Variants in DNAAF6 observed in about 807,000 individuals in gnomAD.
DNAAF6 encodes PIH1 domain containing 3.
DNAAF6 carries 3 observed loss-of-function variants against 13.7 expected under a neutral mutation model. The observed-to-expected ratio is 0.22, with a 90% CI of 0.10 to 0.56. DNAAF6 has a LOEUF of 0.56. Among genes scored for constraint, DNAAF6 ranks in the 20% least tolerant of loss-of-function variants. The pLI is 0.92. For missense variants in DNAAF6, 130 were observed against 151.0 expected, an observed-to-expected ratio of 0.86 and a Z score of 0.73; for synonymous variants, 54 against 49.2, an observed-to-expected ratio of 1.10 and a Z score of -0.41.
intron 5 of DNAAF6, among the ~76,000 whole-genome samples, chrX:107,237,351 A>T (rs1360217728): frequency 8.9e-6 from 1 of 112,258 alleles, no homozygotes; most frequent in African/African-American, 3.2e-5. Context: ...AGAAAGCTTC[A>T]TAATTTACCT....
intron 6 of DNAAF6, among the ~76,000 whole-genome samples, chrX:107,240,090 C>A (rs954510530): frequency 8.9e-6 from 1 of 112,001 alleles, no homozygotes; most frequent in Non-Finnish European, 1.9e-5. Flanking sequence ...TGATGGATAT[C>A]TGTAATGACG....
intron 3 of DNAAF6, 127 bp from the exon 4 acceptor site, chrX:107,218,737 A>C (rs1928053449): frequency 1.6e-6 from 1 of 631,315 alleles, no homozygotes. Context: ...TTTGATCAAA[A>C]AAAAAAGCTA....
chrX:107,231,839 T>C (rs1569375625), intron 5 of DNAAF6, among the ~76,000 whole-genome samples: 3 of 111,707 alleles, frequency 2.7e-5, no homozygotes, highest in African/African-American at 9.8e-5. Context: ...TCTTTTTAAA[T>C]TGATAGATAA....
At chrX:107,217,323 T>G (rs1928017401) in intron 3 of DNAAF6, among the ~76,000 whole-genome samples, 1 of 111,717 alleles carries the variant, frequency 9.0e-6, no homozygotes, top group Non-Finnish European at 1.9e-5. Flanking sequence ...CCTTCCTATA[T>G]TCTAGCAATT....
intron 1 of DNAAF6, among the ~76,000 whole-genome samples, chrX:107,211,328 GATTT>G (rs1350756009): frequency 4.5e-5 from 5 of 111,627 alleles, no homozygotes; most frequent in South Asian, 3.8e-4. Context: ...TGTCATGATT[GATTT>G]ATTTATTTTT....
intron 5 of DNAAF6, among the ~76,000 whole-genome samples, chrX:107,225,287 A>G (rs1293972097): frequency 9.0e-6 from 1 of 111,121 alleles, no homozygotes; most frequent in Non-Finnish European, 1.9e-5. Flanking sequence ...TAGGTTGTTG[A>G]GCCCATCTCA....
Position 107,238,080 on chromosome X carries a change from C to T in DNAAF6, c.430-842C>T, listed in dbSNP as rs1928558502. Among the ~76,000 whole-genome samples, 3 of 112,435 alleles carry T rather than the reference C, an allele frequency of 2.7e-5. No individual in the cohort carries two copies. In the Admixed American group the frequency reaches 2.8e-4, roughly 11 times the overall value. ...GACATTTTGTCCCTGGTTTCTTTCACTTAGCATAATGTTTTCAGGATTCAT... is the reference window on the plus strand; with the variant it reads ...GACATTTTGTCCCTGGTTTCTTTCATTTAGCATAATGTTTTCAGGATTCAT... On this transcript the variant is annotated intron_variant, in intron 5 of 6. Transcript: ENST00000372453.
chrX:107,227,707 A>G (rs1356351233), intron 5 of DNAAF6, among the ~76,000 whole-genome samples: 1 of 111,266 alleles, frequency 9.0e-6, no homozygotes, highest in Non-Finnish European at 1.9e-5. Context: ...CTTCATAATG[A>G]TGGTGGTTGT....
rs180937846 is a variant in DNAAF6 at position 107,237,640 on chromosome X, C to T, written c.430-1282C>T. On this transcript the variant is annotated intron_variant, in intron 5 of 6. Coordinates refer to ENST00000372453, the MANE Select transcript of DNAAF6 (RefSeq NM_173494.2). ...CATTAAGCAGTTACTTCCCTCTTCT[C>T]CATTTCCGCAGCCCCTAGCAACCAC... Among the ~76,000 whole-genome samples the T allele has an allele frequency of 6.7e-3, 757 of 112,212 alleles. 5 individuals carry two copies. Among genetic ancestry groups the T allele is most frequent in the African/African-American group, 0.024 (735 of 30,920 alleles).
chrX:107,223,540 G>T (rs1318260833), intron 5 of DNAAF6, among the ~76,000 whole-genome samples: 4 of 111,135 alleles, frequency 3.6e-5, no homozygotes, highest in African/African-American at 1.3e-4. Context: ...CCCAGAGTGT[G>T]GAATTTGATT....
chrX:107,212,408 G>A (rs993742498), intron 1 of DNAAF6, among the ~76,000 whole-genome samples: 3 of 111,072 alleles, frequency 2.7e-5, no homozygotes, highest in African/African-American at 9.8e-5. Flanking sequence ...ATAGGCCAGC[G>A]TCCTTCTTCA....
At chrX:107,209,963 A>G (rs1440319446) in intron 1 of DNAAF6, among the ~76,000 whole-genome samples, 1 of 111,788 alleles carries the variant, frequency 8.9e-6, no homozygotes, top group Non-Finnish European at 1.9e-5. Context: ...ACTCAAGGTT[A>G]CTGATGTTGC....
rs779462284 is a variant in DNAAF6, at chrX:107,218,871, T to C, written c.234T>C (p.Pro78=). The C allele has an allele frequency of 1.9e-5, 23 of 1,188,944 alleles. No individual in the cohort carries two copies. The Admixed American group carries it at 5.4e-4, about 28-fold the overall frequency. ...PPQIEELKVI[P]ETSEENNEDI... ...TCTTCCCTTTCTTCACAGTCATCCC[T>C]GAAACCAGCGAGGAAAATAATGAGG... Residue 78 remains proline (P), a synonymous_variant, in exon 4 of 7, where the codon CCT becomes CCC. Transcript: ENST00000372453.
chrX:107,222,796 G>A lies in DNAAF6; in HGVS notation c.384G>A (p.Gly128=), dbSNP rs763547239. The part of the protein sequence containing the change: ...QQVGTEDIFL[G]LSKKDSSTGC... The stretch of plus-strand genomic sequence containing the variant: ...TGGGAACTGAAGATATATTTTTAGG[G>A]TTGTCAAAAAAGGACTCCTCAACAG... Residue 128 remains glycine, a synonymous_variant, in exon 5 of 7, where the codon GGG becomes GGA. Coordinates refer to ENST00000372453, the MANE Select transcript of DNAAF6 (RefSeq NM_173494.2). 3 of 1,206,094 alleles carry A rather than the reference G, an allele frequency of 2.5e-6. No homozygotes were observed. The highest frequency in any genetic ancestry group is 3.4e-6 in the Non-Finnish European group (3 of 893,127).
intron 5 of DNAAF6, among the ~76,000 whole-genome samples, chrX:107,228,281 C>T (rs1569374833): frequency 9.0e-6 from 1 of 111,567 alleles, no homozygotes; most frequent in African/African-American, 3.3e-5. Flanking sequence ...AGTGGCATGG[C>T]CAACACCAGA....
At chrX:107,231,303 G>T (rs1325265193) in intron 5 of DNAAF6, among the ~76,000 whole-genome samples, 1 of 111,500 alleles carries the variant, frequency 9.0e-6, no homozygotes, top group Non-Finnish European at 1.9e-5. Flanking sequence ...GGAGTAAAAG[G>T]ATGGTTACCA....
intron 5 of DNAAF6, 71 bp from the exon 6 acceptor site, chrX:107,238,851 T>C: frequency 1.7e-6 from 2 of 1,170,165 alleles, no homozygotes; most frequent in Non-Finnish European, 1.1e-6. Flanking sequence ...CTTTTCCCCA[T>C]ATATTCTTAT....
intron 2 of DNAAF6, among the ~76,000 whole-genome samples, chrX:107,213,624 T>C (rs1272203506): frequency 8.9e-6 from 1 of 111,745 alleles, no homozygotes; most frequent in East Asian, 2.8e-4. Flanking sequence ...AAGATGGGCT[T>C]CATTTTGGGT....
chrX:107,216,042 A>G (rs1359378187), intron 2 of DNAAF6, among the ~76,000 whole-genome samples: 1 of 111,729 alleles, frequency 9.0e-6, no homozygotes, highest in Non-Finnish European at 1.9e-5. Context: ...AAATAAACTT[A>G]TGAAGTTATG....
Sources: allele counts gnomAD v4.1 joint callset (sites outside exome capture counted in the v4.1 genomes callset), GRCh38; gene constraint gnomAD v4.1.1; transcripts MANE v1.5; gene names NCBI Gene and HGNC (gene_info 2026-07-23, HGNC 2026-07-21).